The following ATP2A2 variants were observed in gnomAD, a reference collection of about 807,000 sequenced individuals.
ATP2A2 encodes ATPase sarcoplasmic/endoplasmic reticulum Ca2+ transporting 2.
ATP2A2 carries 14 observed loss-of-function variants against 109.3 expected under a neutral mutation model. The observed-to-expected ratio is 0.13, with a 90% CI of 0.08 to 0.20. The LOEUF (loss-of-function observed/expected upper bound fraction) is 0.20. Among genes scored for constraint, ATP2A2 ranks in the 10% least tolerant of loss-of-function variants. The pLI, the probability that ATP2A2 is intolerant of heterozygous loss-of-function variation, is 1.00. For synonymous variants in ATP2A2, 506 were observed against 490.9 expected, an observed-to-expected ratio of 1.03 and a Z score of -0.41; for missense variants, 657 against 1,321.6, an observed-to-expected ratio of 0.50 and a Z score of 7.80.
chr12:110,331,032 T>A (rs958437279), intron 8 of ATP2A2: 1 of 151,998 alleles, frequency 6.6e-6, no homozygotes, highest in Non-Finnish European at 1.5e-5. Flanking sequence ...TCACCTGAGG[T>A]CAGGAGTTCG....
intron 5 of ATP2A2, among the ~76,000 whole-genome samples, chr12:110,307,691 A>G (rs1333273268): frequency 6.6e-6 from 1 of 151,938 alleles, no homozygotes; most frequent in Non-Finnish European, 1.5e-5. Flanking sequence ...TTCAACAGTG[A>G]TTTTGTGTGT....
chr12:110,342,152 CATT>C lies in ATP2A2; in HGVS notation c.2098-75_2098-73del, dbSNP rs1879416176. Reference sequence around the variant, plus strand: ...CTCTATTCATTTTCCTCCTGCTTCCCATTCAGTGGGCTTTTGCCTAGGGGTATG... The same window carrying C: ...CTCTATTCATTTTCCTCCTGCTTCCCCAGTGGGCTTTTGCCTAGGGGTATG... On this transcript the variant is annotated intron_variant, in intron 14 of 19. Transcript: ENST00000539276. The surrounding 1 kb of genome is among the most constrained non-coding windows in gnomAD (Gnocchi z 4.6). 6.6e-7 allele frequency: 1 copy of C among 1,515,124 alleles called. No individual in the cohort carries two copies. The highest frequency in any genetic ancestry group is 1.4e-5 in the African/African-American group (1 of 72,880). The allele number at this position is 1,515,124 out of a possible 1,614,324, so 93.9% of individuals were successfully genotyped here. A position where few individuals can be genotyped will look rare whatever the true frequency, so the allele number is the denominator to read the frequency against.
intron 3 of ATP2A2, among the ~76,000 whole-genome samples, chr12:110,283,821 G>A (rs546286978): frequency 3.4e-4 from 51 of 152,230 alleles, no homozygotes; most frequent in African/African-American, 1.2e-3. Flanking sequence ...AGGTCCCAGG[G>A]ATCAGCCTCA....
Position 110,350,275 on chromosome 12 carries a change from C to T in ATP2A2, c.*3805C>T. The stretch of plus-strand genomic sequence containing the variant: ...CTGTATTTCATGAAGCTGATTTCCT[C>T]TCTCTTTCCTTTTCAGCAATACTGG... On this transcript the variant is annotated 3_prime_UTR_variant, in exon 20 of 20. Coordinates refer to ENST00000539276, the MANE Select transcript of ATP2A2 (RefSeq NM_170665.4). 1 of 1,614,238 alleles carries T rather than the reference C, an allele frequency of 6.2e-7. No individual in the cohort carries two copies. The highest frequency in any genetic ancestry group is 1.1e-5 in the South Asian group (1 of 91,086).
At chr12:110,332,378 G>T (rs891315811) in intron 8 of ATP2A2, 1 of 569,626 alleles carries the variant, frequency 1.8e-6, no homozygotes, top group African/African-American at 1.9e-5. Context: ...TGTTCGATTG[G>T]TCGGGGGTGT....
intron 5 of ATP2A2, among the ~76,000 whole-genome samples, chr12:110,307,321 T>C (rs990195781): frequency 6.6e-6 from 1 of 151,748 alleles, no homozygotes; most frequent in African/African-American, 2.4e-5. Flanking sequence ...GCCATGGCTT[T>C]CCAGGCTCTA....
At position 110,311,595 on chromosome 12, in the gene ATP2A2, C is replaced by CAAAAAA. The variant is rs67023919; in HGVS notation, c.464-11375_464-11370dup. Among the ~76,000 whole-genome samples, 6 of 25,222 alleles carry CAAAAAA rather than the reference C, an allele frequency of 2.4e-4. 1 individual carries two copies. Among genetic ancestry groups the CAAAAAA allele is most frequent in the Admixed American group, 1.3e-3 (2 of 1,484 alleles). 16.5% of individuals were successfully genotyped at this position (25,222 alleles called of 152,430 possible). On this transcript the variant is annotated intron_variant, in intron 5 of 19. Coordinates refer to ENST00000539276, the MANE Select transcript of ATP2A2 (RefSeq NM_170665.4). ...TGGGGGACAGAGCGAGACTCCATCT[C>CAAAAAA]AAAAAAAAAAAAAAAAAAAAAAAAA...
At chr12:110,331,650 T>C (rs1348705180) in intron 8 of ATP2A2, 1 of 152,248 alleles carries the variant, frequency 6.6e-6, no homozygotes, top group South Asian at 2.1e-4. Flanking sequence ...GTGGCCTGTT[T>C]AACTTGAGTT....
At position 110,348,054 on chromosome 12, in the gene ATP2A2, C is replaced by T. The variant is rs1880048888; in HGVS notation, c.*1584C>T. ...AGGAGGGCCCAAGCCAGACAAAAGC[C>T]GGAGTGGGGAGAGAGGCATTTCAGC... On this transcript the variant is annotated 3_prime_UTR_variant, in exon 20 of 20. Coordinates refer to ENST00000539276, the MANE Select transcript of ATP2A2 (RefSeq NM_170665.4). 25 of 986,166 alleles carry T rather than the reference C, an allele frequency of 2.5e-5. 1 individual carries two copies. Among genetic ancestry groups the T allele is most frequent in the Middle Eastern group, 5.2e-4 (1 of 1,936 alleles). 61.1% of individuals were successfully genotyped at this position (986,166 alleles called of 1,614,324 possible).
chr12:110,309,176 G>GAACTCCTAATTAAT (rs1875725179), intron 5 of ATP2A2, among the ~76,000 whole-genome samples: 1 of 13,084 alleles, frequency 7.6e-5, no homozygotes, highest in Non-Finnish European at 1.6e-4. Context: ...TTTTTTTTTT[G>GAACTCCTAATTAAT]AGATGGAATC....
chr12:110,310,065 T>G (rs562495096), intron 5 of ATP2A2, among the ~76,000 whole-genome samples: 1 of 152,324 alleles, frequency 6.6e-6, no homozygotes, highest in Non-Finnish European at 1.5e-5. Context: ...ACGTCATTGT[T>G]TTTAAGCTTT....
chr12:110,316,412 C>T (rs988473807), intron 5 of ATP2A2, among the ~76,000 whole-genome samples: 5 of 152,216 alleles, frequency 3.3e-5, no homozygotes, highest in African/African-American at 1.2e-4. Flanking sequence ...TATTGAACCT[C>T]ATTTAGCTTA....
chr12:110,288,570 A>G (rs1457781898), intron 3 of ATP2A2, among the ~76,000 whole-genome samples: 2 of 151,844 alleles, frequency 1.3e-5, no homozygotes, highest in South Asian at 2.1e-4. Flanking sequence ...ACACTCGGCT[A>G]ATTTTTTGTA....
intron 11 of ATP2A2, among the ~76,000 whole-genome samples, chr12:110,336,888 G>T (rs1878888445): frequency 6.6e-6 from 1 of 152,120 alleles, no homozygotes; most frequent in Non-Finnish European, 1.5e-5. Flanking sequence ...TTGGATCCTG[G>T]CAGAGCCACG....
In ATP2A2 at chr12:110,334,158, C is replaced by G. The variant is rs369481203; in HGVS notation, c.1419+15C>G. The G allele has an allele frequency of 2.0e-5, 32 of 1,613,306 alleles. No individual in the cohort carries two copies. The highest frequency in any genetic ancestry group is 2.6e-5 in the Non-Finnish European group (31 of 1,179,984). Reference sequence around the variant, plus strand: ...CCTGCAACTCAGTGAGTATTTGAACCTGGTTTATTGTTCATGCTGCTTATC... The same window carrying G: ...CCTGCAACTCAGTGAGTATTTGAACGTGGTTTATTGTTCATGCTGCTTATC... On this transcript the variant is annotated intron_variant, in intron 11 of 19. Coordinates refer to ENST00000539276, the MANE Select transcript of ATP2A2 (RefSeq NM_170665.4).
At chr12:110,311,032 T>C (rs969083098) in intron 5 of ATP2A2, among the ~76,000 whole-genome samples, 1 of 152,242 alleles carries the variant, frequency 6.6e-6, no homozygotes, top group Admixed American at 6.5e-5. Context: ...GAGTACTGTT[T>C]CAAGGAGCTT....
chr12:110,347,117 G>A lies in ATP2A2; in HGVS notation c.*647G>A, dbSNP rs1048702303. On this transcript the variant is annotated 3_prime_UTR_variant, in exon 20 of 20. Coordinates refer to ENST00000539276, the MANE Select transcript of ATP2A2 (RefSeq NM_170665.4). ...GTTCTGTTTACATCAGTTTTAACGA[G>A]AGGTATGCCTGTACTCGCTTGTGCA... 1 of 1,155,478 alleles carries A rather than the reference G, an allele frequency of 8.7e-7. No individual in the cohort carries two copies. Among genetic ancestry groups the A allele is most frequent in the African/African-American group, 1.7e-5 (1 of 59,934 alleles). 71.6% of individuals were successfully genotyped at this position (1,155,478 alleles called of 1,614,324 possible).
At chr12:110,306,508 C>G (rs1875349826) in intron 5 of ATP2A2, among the ~76,000 whole-genome samples, 2 of 152,060 alleles carry the variant, frequency 1.3e-5, no homozygotes, top group Admixed American at 1.3e-4. Context: ...CAGCCCTCGC[C>G]CCTCTTTCCC....
At chr12:110,319,882 CTT>C in intron 5 of ATP2A2, among the ~76,000 whole-genome samples, 1 of 152,060 alleles carries the variant, frequency 6.6e-6, no homozygotes, top group East Asian at 1.9e-4. Context: ...AGATCAGAAA[CTT>C]TTTGAGCACC....
Sources: allele counts gnomAD v4.1 joint callset (sites outside exome capture counted in the v4.1 genomes callset), GRCh38; gene constraint gnomAD v4.1.1; non-coding constraint Gnocchi (gnomAD v3.1); transcripts MANE v1.5; gene names NCBI Gene and HGNC (gene_info 2026-07-23, HGNC 2026-07-21).